The following MLLT10 variants were observed in gnomAD, a reference collection of about 807,000 sequenced individuals.
The protein encoded by MLLT10 is protein AF-10.
Under a neutral mutation model 129.1 loss-of-function variants are expected in MLLT10, and 30 were observed. That is an observed-to-expected ratio of 0.23 (90% CI 0.17 to 0.32). The LOEUF is 0.32. MLLT10 is among the 10% of genes least tolerant of loss of function. MLLT10 has a pLI of 1.00. For missense variants in MLLT10, 1,119 were observed against 1,268.3 expected (o/e 0.88, Z 1.79); for synonymous variants, 490 against 446.4 (o/e 1.10, Z -1.23).
chr10:21,562,345 AT>A (rs1202921948), intron 3 of MLLT10, among the ~76,000 whole-genome samples: 6 of 144,840 alleles, frequency 4.1e-5, no homozygotes, highest in African/African-American at 1.0e-4. Context: ...TTATTTATTT[AT>A]TTTTTTTTGA....
intron 9 of MLLT10, among the ~76,000 whole-genome samples, chr10:21,668,372 A>G (rs1432250053): frequency 1.3e-5 from 2 of 152,110 alleles, no homozygotes; most frequent in African/African-American, 4.8e-5. Context: ...CCCTAGTGCC[A>G]TATTGTCCCA....
intron 3 of MLLT10, among the ~76,000 whole-genome samples, chr10:21,572,961 T>C (rs1241621608): frequency 6.6e-6 from 1 of 152,152 alleles, no homozygotes; most frequent in African/African-American, 2.4e-5. Context: ...TTTTAAAATA[T>C]TAAATACATT....
intron 4 of MLLT10, among the ~76,000 whole-genome samples, chr10:21,587,894 A>G (rs1055035958): frequency 1.3e-5 from 2 of 152,216 alleles, no homozygotes; most frequent in African/African-American, 2.4e-5. Flanking sequence ...GCTACTATGT[A>G]ATAATTACTT....
intron 8 of MLLT10, among the ~76,000 whole-genome samples, chr10:21,622,302 C>T (rs544533838): frequency 2.0e-5 from 3 of 150,230 alleles, no homozygotes; most frequent in African/African-American, 4.9e-5. Flanking sequence ...GGACTACCAG[C>T]GTATGCCACT....
At chr10:21,594,080 G>A (rs2042779274) in intron 4 of MLLT10, among the ~76,000 whole-genome samples, 1 of 151,714 alleles carries the variant, frequency 6.6e-6, no homozygotes, top group Admixed American at 6.6e-5. Flanking sequence ...ATTTCAGTTT[G>A]AGATGGTCAG....
chr10:21,534,203 T>G (rs2033332699), upstream of MLLT10: 1 of 392,292 alleles, frequency 2.5e-6, no homozygotes, highest in Non-Finnish European at 4.5e-6. Context: ...CGCCCAGGCC[T>G]CCTCCCTCAC....
intron 3 of MLLT10, among the ~76,000 whole-genome samples, chr10:21,562,805 C>CT (rs1564415882): frequency 1.9e-4 from 21 of 112,288 alleles, no homozygotes; most frequent in African/African-American, 3.8e-4. Flanking sequence ...CTTACATATA[C>CT]TTTGTTTTTT....
chr10:21,737,961 G>A (rs568165102), intron 21 of MLLT10, among the ~76,000 whole-genome samples: 1 of 152,108 alleles, frequency 6.6e-6, no homozygotes, highest in Non-Finnish European at 1.5e-5. Context: ...CACACTGCAT[G>A]TAAGTGTATA....
intron 5 of MLLT10, among the ~76,000 whole-genome samples, chr10:21,599,471 C>G (rs1166489940): frequency 1.3e-5 from 2 of 152,164 alleles, no homozygotes; most frequent in African/African-American, 4.8e-5. Context: ...GGTAACTTCT[C>G]CAAATCTAGC....
chr10:21,578,629 T>G (rs2041043539), intron 3 of MLLT10, among the ~76,000 whole-genome samples: 1 of 152,204 alleles, frequency 6.6e-6, no homozygotes, highest in African/African-American at 2.4e-5. Context: ...TGAATTAATT[T>G]TTAAGTATAG....
At chr10:21,668,326 A>G (rs1445124518) in intron 9 of MLLT10, among the ~76,000 whole-genome samples, 1 of 151,980 alleles carries the variant, frequency 6.6e-6, no homozygotes, top group Non-Finnish European at 1.5e-5. Context: ...CCTGTCTTCG[A>G]TTTTGAGTTG....
intron 3 of MLLT10, among the ~76,000 whole-genome samples, chr10:21,579,594 C>T (rs1482106430): frequency 5.4e-5 from 8 of 148,230 alleles, no homozygotes; most frequent in African/African-American, 2.0e-4. Context: ...TGGAGTTTCG[C>T]TCTTGTTGCC....
Position 21,534,308 on chromosome 10 carries a change from C to A in MLLT10, c.-213C>A. On this transcript the variant is annotated 5_prime_UTR_variant, in exon 1 of 23. Transcript: ENST00000307729. ...TCGCTGCCCCTGGCCCAGCGGGAGC[C>A]CCCCCTCCCCCCAGTGCGCCTGTGC... 2.6e-6 allele frequency: 1 copy of A among 381,966 alleles called. No homozygotes were observed. Among genetic ancestry groups the A allele is most frequent in the Non-Finnish European group, 4.7e-6 (1 of 213,372 alleles). 23.7% of individuals were successfully genotyped at this position (381,966 alleles called of 1,614,324 possible). A position where few individuals can be genotyped will look rare whatever the true frequency, so the allele number is the denominator to read the frequency against.
intron 3 of MLLT10, among the ~76,000 whole-genome samples, chr10:21,571,580 T>C (rs2040209835): frequency 6.6e-6 from 1 of 152,220 alleles, no homozygotes; most frequent in African/African-American, 2.4e-5. Flanking sequence ...GTTTCATTCA[T>C]TTTATTAGGT....
chr10:21,585,792 G>A (rs911600460), intron 3 of MLLT10, among the ~76,000 whole-genome samples: 14 of 151,980 alleles, frequency 9.2e-5, no homozygotes, highest in African/African-American at 3.1e-4. Context: ...TTGGAGTTTC[G>A]TTTTTGTTGC....
Position 21,586,347 on chromosome 10 carries a change from G to A in MLLT10, c.294G>A (p.Gly98=), listed in dbSNP as rs1373660459. 11 of 1,583,758 alleles carry A rather than the reference G, an allele frequency of 6.9e-6. No individual in the cohort carries two copies. Among genetic ancestry groups the A allele is most frequent in the Admixed American group, 5.4e-5 (3 of 55,546 alleles). The part of the protein sequence containing the change: ...KDGALKRTDN[G]GWAHVVCALY... ...GAGCTTTAAAAAGAACAGATAATGG[G>A]GGTAAGTGCAGAGATTTCTTGAAAA... Residue 98 remains glycine, a splice_region_variant and synonymous_variant, in exon 4 of 23, where the codon GGG becomes GGA. Transcript: ENST00000307729.
At chr10:21,694,578 G>C (rs7068942) in intron 13 of MLLT10, among the ~76,000 whole-genome samples, 6,787 of 152,202 alleles carry the variant, frequency 0.045, 510 homozygotes, top group African/African-American at 0.15. Context: ...TATTATTCAT[G>C]ATTTATTGTG....
chr10:21,558,042 C>T lies in MLLT10; in HGVS notation c.240+19130C>T, dbSNP rs180738773. Among the ~76,000 whole-genome samples, 325 of 149,916 alleles carry T rather than the reference C, an allele frequency of 2.2e-3. 1 individual carries two copies. The highest frequency in any genetic ancestry group is 3.6e-3 in the Non-Finnish European group (246 of 67,558). ...TGGGCTCACTGCAACCCCTGCCTCC[C>T]GGGTTCAAGCAATTCTCTGGCCTCA... On this transcript the variant is annotated intron_variant, in intron 3 of 22. Coordinates refer to ENST00000307729, the MANE Select transcript of MLLT10 (RefSeq NM_001195626.3).
chr10:21,567,184 G>T (rs74526959), intron 3 of MLLT10, among the ~76,000 whole-genome samples: 1 of 152,128 alleles, frequency 6.6e-6, no homozygotes, highest in African/African-American at 2.4e-5. Context: ...ATGAGACTAT[G>T]CACTTACTTA....
Sources: gnomAD v4.1 joint callset for allele counts (sites outside exome capture counted in the v4.1 genomes callset) on GRCh38, gnomAD v4.1.1 for gene constraint, MANE v1.5 for transcripts, NCBI Gene and HGNC (gene_info 2026-07-23, HGNC 2026-07-21) for gene names.